The following ZNF821 variants were observed in gnomAD, a reference collection of about 807,000 sequenced individuals.
ZNF821 encodes zinc finger protein 821.
ZNF821 carries 16 observed loss-of-function variants against 44.3 expected under a neutral mutation model. The ratio of observed to expected loss-of-function variants is 0.36; its 90% CI spans 0.24 to 0.55. The LOEUF (loss-of-function observed/expected upper bound fraction) is 0.55. ZNF821 is among the 20% of genes least tolerant of loss of function. The pLI is 0.86. For missense variants in ZNF821, 436 were observed against 547.6 expected, an observed-to-expected ratio of 0.80 and a Z score of 2.03; for synonymous variants, 204 against 197.6, an observed-to-expected ratio of 1.03 and a Z score of -0.27.
intron 1 of ZNF821, among the ~76,000 whole-genome samples, chr16:71,893,047 T>TTTTTTTTTTTG (rs71153679): frequency 1.5e-5 from 2 of 136,182 alleles, no homozygotes; most frequent in Non-Finnish European, 3.1e-5. Flanking sequence ...TTTTTTTTTT[T>TTTTTTTTTTTG]GAGATATAGT....
chr16:71,885,552 G>A (rs1252862788), upstream of ZNF821, among the ~76,000 whole-genome samples: 2 of 152,234 alleles, frequency 1.3e-5, no homozygotes, highest in African/African-American at 2.4e-5. Context: ...CAGGGCTAAC[G>A]AGGATGCTGT....
intron 5 of ZNF821, 55 bp from the exon 6 acceptor site, chr16:71,864,297 C>T (rs1597134505): frequency 2.0e-6 from 3 of 1,508,532 alleles, no homozygotes; most frequent in East Asian, 2.3e-5. Context: ...CTCTTCCCTG[C>T]CCCAGCTTTT....
At chr16:71,876,021 C>T (rs2035775475) in intron 3 of ZNF821, among the ~76,000 whole-genome samples, 1 of 152,212 alleles carries the variant, frequency 6.6e-6, no homozygotes. Context: ...GAAGTGGCTC[C>T]CCTGGCCTTA....
At chr16:71,888,673 TC>T (rs1195043392), upstream of ZNF821, among the ~76,000 whole-genome samples, 2 of 152,148 alleles carry the variant, frequency 1.3e-5, no homozygotes, top group African/African-American at 4.8e-5. Flanking sequence ...TTGATAAAAA[TC>T]TGATATTTTA....
intron 3 of ZNF821, among the ~76,000 whole-genome samples, chr16:71,871,509 A>G (rs1435764184): frequency 6.6e-6 from 1 of 152,216 alleles, no homozygotes; most frequent in Non-Finnish European, 1.5e-5. Flanking sequence ...GACTTGCTAA[A>G]AGCATGTCAT....
chr16:71,861,636 G>C, intron 7 of ZNF821, 140 bp downstream of exon 7: 1 of 930,514 alleles, frequency 1.1e-6, no homozygotes, highest in Non-Finnish European at 1.6e-6. Flanking sequence ...ATATTTCCTA[G>C]CCTTCTTACT....
intron 3 of ZNF821, among the ~76,000 whole-genome samples, chr16:71,879,511 A>G (rs2036202026): frequency 6.6e-6 from 1 of 152,032 alleles, no homozygotes. Context: ...CAATTAGCAT[A>G]TACTATCATT....
intron 3 of ZNF821, among the ~76,000 whole-genome samples, chr16:71,868,445 G>A (rs953420845): frequency 6.6e-6 from 1 of 152,178 alleles, no homozygotes; most frequent in African/African-American, 2.4e-5. Flanking sequence ...TAATGTATTA[G>A]CATTATGGTC....
intron 1 of ZNF821, chr16:71,894,724 T>G: frequency 3.9e-6 from 2 of 510,672 alleles, no homozygotes; most frequent in Non-Finnish European, 3.3e-6. Flanking sequence ...TTTGTAGCGA[T>G]GCGGTTTCAC....
In ZNF821 at chr16:71,860,476, G is replaced by C; in HGVS notation, c.781C>G (p.Arg261Gly). ...QTPSVRKWAL[R>G]RQNEPLEVRL... ...ACTTCCAAAGGCTCATTCTGTCGAC[G>C]TAGAGCCCACTTGCGTACACTGGGA... The change falls in exon 8 of 8, where the codon CGT (arginine) becomes GGT (glycine). Residue 261 changes from arginine (R) to glycine (G), a missense_variant. Coordinates refer to ENST00000425432, the MANE Select transcript of ZNF821 (RefSeq NM_001201552.2). This position sits in a 1 kb window ranked among gnomAD's most constrained non-coding sequence, Gnocchi z 7.3. 6.2e-7 allele frequency: 1 copy of C among 1,614,188 alleles called. No individual in the cohort carries two copies. Among genetic ancestry groups the C allele is most frequent in the East Asian group, 2.2e-5 (1 of 44,884 alleles).
chr16:71,887,971 T>C (rs1175137252), upstream of ZNF821, among the ~76,000 whole-genome samples: 1 of 150,448 alleles, frequency 6.6e-6, no homozygotes, highest in Non-Finnish European at 1.5e-5. Flanking sequence ...CAGGTGATCA[T>C]CCCACCTCAG....
At chr16:71,886,716 T>C (rs1323380074), upstream of ZNF821, among the ~76,000 whole-genome samples, 3 of 152,218 alleles carry the variant, frequency 2.0e-5, no homozygotes, top group African/African-American at 7.2e-5. Flanking sequence ...TACAATTCAG[T>C]GGGTTTTGGT....
At chr16:71,891,478 G>A (rs2036885099) in intron 1 of ZNF821, 1 of 152,212 alleles carries the variant, frequency 6.6e-6, no homozygotes, top group African/African-American at 2.4e-5. Flanking sequence ...TATATTACAG[G>A]ATCTAAATAG....
At chr16:71,863,263 A>G (rs1045580063) in intron 6 of ZNF821, among the ~76,000 whole-genome samples, 1 of 151,992 alleles carries the variant, frequency 6.6e-6, no homozygotes, top group African/African-American at 2.4e-5. Flanking sequence ...TTTCTATTTC[A>G]CTATTTAAAA....
chr16:71,867,456 G>A (rs2034674792), intron 4 of ZNF821, among the ~76,000 whole-genome samples: 1 of 152,170 alleles, frequency 6.6e-6, no homozygotes. Context: ...GGAGGCCGAG[G>A]TGAGTGGATC....
At chr16:71,880,198 G>A (rs2142469003) in intron 2 of ZNF821, 175 bp from the exon 3 acceptor site, 2 of 400,664 alleles carry the variant, frequency 5.0e-6, no homozygotes, top group East Asian at 3.9e-5. Context: ...TAACGTCAAG[G>A]TCCCAGAAAG....
At position 71,860,010 on chromosome 16, in the gene ZNF821, G is replaced by A. The variant is rs919724686; in HGVS notation, c.*8C>T. 5 of 1,573,294 alleles carry A rather than the reference G, an allele frequency of 3.2e-6. No individual in the cohort carries two copies. Among genetic ancestry groups the A allele is most frequent in the African/African-American group, 1.3e-5 (1 of 74,210 alleles). On this transcript the variant is annotated 3_prime_UTR_variant, in exon 8 of 8. Transcript: ENST00000425432. This position sits in a 1 kb window ranked among gnomAD's most constrained non-coding sequence, Gnocchi z 7.3. ...AGGTGGGAAGGAGGGCAGGCAGGAG[G>A]GTGTGGTTCAGTGCAGAGAGCTGCT... is the stretch of plus-strand genomic sequence containing the variant.
At chr16:71,869,847 G>A (rs9937626) in intron 3 of ZNF821, among the ~76,000 whole-genome samples, 50,923 of 151,874 alleles carry the variant, frequency 0.34, 9,192 homozygotes, top group East Asian at 0.66. Flanking sequence ...GTGTTGTCCA[G>A]GCTGATCTGC....
intron 3 of ZNF821, among the ~76,000 whole-genome samples, chr16:71,875,605 C>T (rs2035722058): frequency 6.6e-6 from 1 of 152,144 alleles, no homozygotes; most frequent in Non-Finnish European, 1.5e-5. Context: ...AGGCACCCAC[C>T]ACCACGCCCG....
Sources: allele counts gnomAD v4.1 joint callset (sites outside exome capture counted in the v4.1 genomes callset), GRCh38; gene constraint gnomAD v4.1.1; non-coding constraint Gnocchi (gnomAD v3.1); transcripts MANE v1.5; gene names NCBI Gene and HGNC (gene_info 2026-07-23, HGNC 2026-07-21).